The following ATG16L1 variants were observed in gnomAD, a reference collection of about 807,000 sequenced individuals.
ATG16L1 encodes the protein autophagy related 16 like 1, also known as autophagy-related protein 16-1.
In ATG16L1, 37 loss-of-function variants were observed where a neutral mutation model predicts 88.5. That is an observed-to-expected ratio of 0.42 (90% CI 0.32 to 0.55). ATG16L1 has a LOEUF of 0.55. Among genes scored for constraint, ATG16L1 ranks in the 20% least tolerant of loss-of-function variants. The probability of loss-of-function intolerance (pLI) is 0.13; values close to 1 mark genes in which losing one functional copy is unlikely to be tolerated. For missense variants in ATG16L1, 554 were observed against 752.8 expected (o/e 0.74, Z 3.09); for synonymous variants, 301 against 281.0 (o/e 1.07, Z -0.71).
chr2:233,276,712 T>C (rs6431252), intron 9 of ATG16L1, among the ~76,000 whole-genome samples: 8,765 of 152,248 alleles, frequency 0.058, 318 homozygotes, highest in South Asian at 0.14. Flanking sequence ...CCTGAGCTCA[T>C]GCGATCTGCC....
intron 2 of ATG16L1, among the ~76,000 whole-genome samples, chr2:233,258,281 A>G (rs953912160): frequency 1.3e-5 from 2 of 152,172 alleles, no homozygotes; most frequent in African/African-American, 4.8e-5. Flanking sequence ...TTGGTGATTT[A>G]TGGTGTCTAG....
At chr2:233,262,773 C>T (rs746055041) in intron 2 of ATG16L1, among the ~76,000 whole-genome samples, 1 of 152,182 alleles carries the variant, frequency 6.6e-6, no homozygotes, top group Non-Finnish European at 1.5e-5. Flanking sequence ...TGACTGTCAG[C>T]TGTGTGGAAG....
chr2:233,263,166 A>G lies in ATG16L1; in HGVS notation c.246A>G (p.Leu82=), dbSNP rs13011156. The part of the protein sequence containing the change: ...GHDGTWNDNQ[L]QEMAQLRIKH... ...ATGGCACATGGAATGACAATCAGCT[A>G]CAAGAAATGGCCCAACTGAGGATTA... The change falls in exon 3 of 18, where the codon CTA becomes CTG. Residue 82 remains leucine (L), a synonymous_variant. Transcript: ENST00000392017. 0.049 allele frequency: 79,365 copies of G among 1,613,932 alleles called. 2,302 individuals carry two copies. Among genetic ancestry groups the G allele is most frequent in the Middle Eastern group, 0.076 (459 of 6,062 alleles).
chr2:233,266,896 CG>C (rs1054444348), intron 5 of ATG16L1, among the ~76,000 whole-genome samples: 9 of 152,274 alleles, frequency 5.9e-5, no homozygotes, highest in Admixed American at 4.6e-4. Context: ...GCAGATACTG[CG>C]TGCTTCTACA....
At chr2:233,269,977 G>GT in intron 5 of ATG16L1, 25 bp from the exon 6 acceptor site, 1 of 1,470,996 alleles carries the variant, frequency 6.8e-7, no homozygotes, top group Non-Finnish European at 9.2e-7. Context: ...TAAATGGTGG[G>GT]CTTTTTTTTT....
chr2:233,269,948 G>A (rs1336499877), intron 5 of ATG16L1, 54 bp from the exon 6 acceptor site: 46 of 1,542,546 alleles, frequency 3.0e-5, no homozygotes, highest in African/African-American at 4.3e-5. Context: ...CCCAAACCCC[G>A]TGCTTTCTTA....
intron 5 of ATG16L1, among the ~76,000 whole-genome samples, chr2:233,265,500 C>T (rs1191187884): frequency 2.6e-5 from 4 of 152,238 alleles, no homozygotes; most frequent in East Asian, 1.9e-4. Flanking sequence ...GACAGAGTCT[C>T]GCTCTGTTGC....
rs2125309162 is a variant in ATG16L1, at chr2:233,295,324, C to G, written c.*974C>G. On this transcript the variant is annotated 3_prime_UTR_variant, in exon 18 of 18. Transcript: ENST00000392017. ...AAAAACATTTATCTTTACTATTTTACCTACGTATAAAGTTTTAGTTCATTG... is the reference window on the plus strand; with the variant it reads ...AAAAACATTTATCTTTACTATTTTAGCTACGTATAAAGTTTTAGTTCATTG... 1 of 152,908 alleles carries G rather than the reference C, an allele frequency of 6.5e-6. No homozygotes were observed. Among genetic ancestry groups the G allele is most frequent in the Non-Finnish European group, 1.5e-5 (1 of 68,038 alleles). The allele number at this position is 152,908 out of a possible 1,614,324, so 9.5% of individuals were successfully genotyped here. A position where few individuals can be genotyped will look rare whatever the true frequency, so the allele number is the denominator to read the frequency against.
At chr2:233,252,285 C>A (rs1361901507) in intron 1 of ATG16L1, among the ~76,000 whole-genome samples, 1 of 152,184 alleles carries the variant, frequency 6.6e-6, no homozygotes, top group East Asian at 1.9e-4. Context: ...CGTTGACTTT[C>A]AGTCGCAGAA....
intron 6 of ATG16L1, among the ~76,000 whole-genome samples, chr2:233,270,778 T>G (rs1697940756): frequency 6.6e-6 from 1 of 152,210 alleles, no homozygotes; most frequent in South Asian, 2.1e-4. Flanking sequence ...TAAGGTGGGG[T>G]ATCTTCTCTG....
intron 2 of ATG16L1, among the ~76,000 whole-genome samples, chr2:233,257,439 C>A (rs1381751019): frequency 6.6e-6 from 1 of 152,132 alleles, no homozygotes; most frequent in Non-Finnish European, 1.5e-5. Context: ...GTTTAGTATT[C>A]AATAAATTGC....
chr2:233,275,940 G>A (rs1427025056), intron 9 of ATG16L1: 1 of 519,190 alleles, frequency 1.9e-6, no homozygotes, highest in South Asian at 1.4e-5. Context: ...AGTTACACAG[G>A]AGACTGACGA....
chr2:233,253,108 C>A (rs188059971), intron 1 of ATG16L1, among the ~76,000 whole-genome samples: 1 of 152,238 alleles, frequency 6.6e-6, no homozygotes, highest in Non-Finnish European at 1.5e-5. Flanking sequence ...TGAGATTAAG[C>A]CTAGAACTGC....
chr2:233,288,911 G>A (rs370392769), intron 12 of ATG16L1: 2 of 519,140 alleles, frequency 3.9e-6, no homozygotes, highest in Non-Finnish European at 3.8e-6. Context: ...GGTATCTGTG[G>A]CTATGATCTG....
chr2:233,262,320 G>A (rs1390989252), intron 2 of ATG16L1, among the ~76,000 whole-genome samples: 1 of 152,072 alleles, frequency 6.6e-6, no homozygotes, highest in Non-Finnish European at 1.5e-5. Flanking sequence ...TTCCTGTTTC[G>A]GCCCTTACCC....
At chr2:233,288,991 A>T in intron 12 of ATG16L1, 1 of 468,646 alleles carries the variant, frequency 2.1e-6, no homozygotes, top group Non-Finnish European at 4.3e-6. Context: ...AGGAGTCCTG[A>T]TGTTTCCTTT....
chr2:233,264,099 C>T (rs1357911403), intron 4 of ATG16L1, 34 bp downstream of exon 4: 1 of 1,607,042 alleles, frequency 6.2e-7, no homozygotes, highest in African/African-American at 1.3e-5. Context: ...GGAGCCTGGT[C>T]ATTGGGTCCC....
intron 5 of ATG16L1, among the ~76,000 whole-genome samples, chr2:233,268,373 C>T (rs1420140378): frequency 2.0e-5 from 3 of 152,152 alleles, no homozygotes; most frequent in African/African-American, 7.2e-5. Flanking sequence ...ACAGGAGAAT[C>T]GCTTGAACAC....
intron 15 of ATG16L1, 31 bp from the exon 16 acceptor site, chr2:233,292,356 C>T (rs1699518279): frequency 1.2e-6 from 2 of 1,614,184 alleles, no homozygotes; most frequent in Non-Finnish European, 1.7e-6. Flanking sequence ...CCTGAGCTCC[C>T]TCAGTGACAG....
Sources: allele counts gnomAD v4.1 joint callset (sites outside exome capture counted in the v4.1 genomes callset), GRCh38; gene constraint gnomAD v4.1.1; transcripts MANE v1.5; gene names NCBI Gene and HGNC (gene_info 2026-07-23, HGNC 2026-07-21).